The following NFATC3 variants were observed in gnomAD, a reference collection of about 807,000 sequenced individuals.
NFATC3 encodes the protein nuclear factor of activated T-cells, cytoplasmic 3.
A neutral mutation model predicts 98.6 loss-of-function variants in NFATC3; 46 were observed. The observed-to-expected ratio is 0.47, with a 90% CI of 0.37 to 0.60. The LOEUF is 0.60. NFATC3 is among the 20% of genes least tolerant of loss of function. The pLI, the probability that NFATC3 is intolerant of heterozygous loss-of-function variation, is 0.00. For missense variants in NFATC3, 1,256 were observed against 1,295.5 expected, an observed-to-expected ratio of 0.97 and a Z score of 0.47; for synonymous variants, 512 against 472.2, an observed-to-expected ratio of 1.08 and a Z score of -1.09.
intron 9 of NFATC3, among the ~76,000 whole-genome samples, chr16:68,199,627 C>T (rs1397891017): frequency 2.6e-5 from 4 of 151,286 alleles, no homozygotes; most frequent in East Asian, 3.9e-4. Context: ...CTCACTCTGT[C>T]GCCCAGGCTG....
At chr16:68,204,583 C>T (rs1057320502) in intron 9 of NFATC3, among the ~76,000 whole-genome samples, 1 of 152,112 alleles carries the variant, frequency 6.6e-6, no homozygotes, top group African/African-American at 2.4e-5. Context: ...CATTTGAATC[C>T]AGATTTGTCT....
intron 1 of NFATC3, among the ~76,000 whole-genome samples, chr16:68,096,107 C>T (rs1385048569): frequency 6.6e-6 from 1 of 152,122 alleles, no homozygotes; most frequent in Non-Finnish European, 1.5e-5. Context: ...ACCACAGGTG[C>T]TTGCCACCAT....
intron 9 of NFATC3, among the ~76,000 whole-genome samples, chr16:68,207,005 T>TAA (rs559629801): frequency 9.0e-5 from 10 of 111,282 alleles, no homozygotes; most frequent in South Asian, 2.7e-4. Context: ...GCATACATAT[T>TAA]AAAAAAAAAA....
At chr16:68,129,611 C>T (rs1216599528) in intron 3 of NFATC3, among the ~76,000 whole-genome samples, 1 of 150,686 alleles carries the variant, frequency 6.6e-6, no homozygotes, top group East Asian at 1.9e-4. Flanking sequence ...TTATGTTGCC[C>T]AGGCTGTTCT....
At position 68,113,223 on chromosome 16, in the gene NFATC3, T is replaced by C. The variant is rs115661924; in HGVS notation, c.104-8764T>C. Among the ~76,000 whole-genome samples, 769 of 152,350 alleles carry C rather than the reference T, an allele frequency of 5.0e-3. 6 individuals carry two copies. The highest frequency in any genetic ancestry group is 0.018 in the African/African-American group (734 of 41,582). Reference sequence around the variant, plus strand: ...TGATTCTTTCTCATCTTTGTGGATTTATCTGCCTTTGATCTTTGAGGCTGC... The same window carrying C: ...TGATTCTTTCTCATCTTTGTGGATTCATCTGCCTTTGATCTTTGAGGCTGC... On this transcript the variant is annotated intron_variant, in intron 1 of 9. Coordinates refer to ENST00000346183, the MANE Select transcript of NFATC3 (RefSeq NM_173165.3).
At chr16:68,201,957 CAAAAAAAA>C (rs778770193) in intron 9 of NFATC3, among the ~76,000 whole-genome samples, 274 of 23,652 alleles carry the variant, frequency 0.012, 3 homozygotes, top group African/African-American at 0.028. Flanking sequence ...GACTCCATCT[CAAAAAAAA>C]AAAAAAAAAA....
chr16:68,166,395 C>G (rs536149330), intron 4 of NFATC3, among the ~76,000 whole-genome samples: 2 of 152,156 alleles, frequency 1.3e-5, no homozygotes, highest in Admixed American at 6.5e-5. Flanking sequence ...CTGGGCCTTT[C>G]TCTGCACCAT....
intron 9 of NFATC3, among the ~76,000 whole-genome samples, chr16:68,216,302 TC>T (rs746101118): frequency 7.2e-5 from 11 of 152,148 alleles, no homozygotes. Context: ...TGCTTCTGAG[TC>T]TCACATCTTA....
At chr16:68,222,466 TC>T (rs2041909514) in intron 9 of NFATC3, among the ~76,000 whole-genome samples, 1 of 152,136 alleles carries the variant, frequency 6.6e-6, no homozygotes, top group Non-Finnish European at 1.5e-5. Flanking sequence ...GCCTGGAACA[TC>T]TTTGAAATTA....
intron 9 of NFATC3, chr16:68,224,825 T>G (rs1295424461): frequency 6.6e-6 from 1 of 152,210 alleles, no homozygotes; most frequent in Non-Finnish European, 1.5e-5. Context: ...CTGTTTTTGT[T>G]TATAACAGCT....
chr16:68,207,510 C>A (rs1378275179), intron 9 of NFATC3, among the ~76,000 whole-genome samples: 2 of 152,180 alleles, frequency 1.3e-5, no homozygotes, highest in Non-Finnish European at 2.9e-5. Flanking sequence ...GTCACCCAGG[C>A]TGGAGTGCAG....
At chr16:68,209,051 G>C (rs942783964) in intron 9 of NFATC3, among the ~76,000 whole-genome samples, 2 of 152,006 alleles carry the variant, frequency 1.3e-5, no homozygotes, top group Non-Finnish European at 2.9e-5. Context: ...TGAAAGAGTG[G>C]GCATCTTTGC....
intron 1 of NFATC3, among the ~76,000 whole-genome samples, chr16:68,114,529 C>A (rs1442181033): frequency 6.6e-6 from 1 of 151,588 alleles, no homozygotes; most frequent in Non-Finnish European, 1.5e-5. Context: ...AACAACTGAG[C>A]AGATGTTGGT....
chr16:68,171,333 A>G (rs2039450210), intron 5 of NFATC3, among the ~76,000 whole-genome samples: 1 of 152,060 alleles, frequency 6.6e-6, no homozygotes, highest in Admixed American at 6.6e-5. Context: ...TGTTACTTAG[A>G]ATGTACCTGT....
At chr16:68,140,801 AT>A (rs2037712464) in intron 3 of NFATC3, among the ~76,000 whole-genome samples, 1 of 152,158 alleles carries the variant, frequency 6.6e-6, no homozygotes, top group African/African-American at 2.4e-5. Context: ...TTATTTATAT[AT>A]TTTATTTCAG....
Position 68,122,636 on chromosome 16 carries a change from T to C in NFATC3, c.753T>C (p.Asp251=), listed in dbSNP as rs1221527877. 1.2e-6 allele frequency: 2 copies of C among 1,614,058 alleles called. No homozygotes were observed. The highest frequency in any genetic ancestry group is 8.5e-7 in the Non-Finnish European group (1 of 1,180,010). Reference sequence around the variant, plus strand: ...ACTCTCCTAGATCCAGTGTCACTGATGAGAATTGGCTGAGCCCCAGGCCAG... The same window carrying C: ...ACTCTCCTAGATCCAGTGTCACTGACGAGAATTGGCTGAGCCCCAGGCCAG... ...PCHSPRSSVT[D]ENWLSPRPAS... is the part of the protein sequence containing the mutation. Residue 251 remains aspartate, a synonymous_variant, in exon 2 of 10, where the codon GAT becomes GAC. Coordinates refer to ENST00000346183, the MANE Select transcript of NFATC3 (RefSeq NM_173165.3).
chr16:68,095,752 G>C (rs2034989280), intron 1 of NFATC3, among the ~76,000 whole-genome samples: 2 of 152,144 alleles, frequency 1.3e-5, no homozygotes, highest in African/African-American at 4.8e-5. Context: ...TTGGGGATGG[G>C]CATGGGAGTT....
intron 6 of NFATC3, 136 bp downstream of exon 6, chr16:68,174,650 T>A: frequency 1.6e-6 from 1 of 640,330 alleles, no homozygotes; most frequent in Non-Finnish European, 2.3e-6. Flanking sequence ...GATTTTATTT[T>A]AAACCAAACA....
chr16:68,150,357 A>C (rs2038250258), intron 3 of NFATC3, among the ~76,000 whole-genome samples: 1 of 151,086 alleles, frequency 6.6e-6, no homozygotes, highest in East Asian at 1.9e-4. Context: ...CAGGAGGATC[A>C]CTTGAAACCA....
Sources: allele counts gnomAD v4.1 joint callset (sites outside exome capture counted in the v4.1 genomes callset), GRCh38; gene constraint gnomAD v4.1.1; transcripts MANE v1.5; gene names NCBI Gene and HGNC (gene_info 2026-07-23, HGNC 2026-07-21).